The following SLC7A2 variants were observed in gnomAD, a reference collection of about 807,000 sequenced individuals.
SLC7A2 encodes the protein cationic amino acid transporter 2.
A neutral mutation model predicts 58.9 loss-of-function variants in SLC7A2; 48 were observed. That is an observed-to-expected ratio of 0.82 (90% CI 0.65 to 1.04). The LOEUF is 1.04. Ranked by LOEUF, SLC7A2 falls within the 50% of genes least tolerant of loss-of-function variation. The pLI is 0.00. For synonymous variants in SLC7A2, 363 were observed against 314.5 expected (o/e 1.15, Z -1.63); for missense variants, 1,029 against 818.8 (o/e 1.26, Z -3.13).
chr8:17,544,427 T>C, intron 3 of SLC7A2, 24 bp from the exon 4 acceptor site: 1 of 1,606,062 alleles, frequency 6.2e-7, no homozygotes, highest in East Asian at 2.2e-5. Flanking sequence ...AGTGACTTCG[T>C]ATTCTCTGTT....
In SLC7A2 at chr8:17,543,374, G is replaced by A. The variant is rs747503308; in HGVS notation, c.35G>A (p.Arg12Gln). The part of the protein sequence containing the change: ...IPCRAALTFA[R>Q]CLIRRKIVTL... ...TGCAGAGCCGCGCTGACCTTTGCCCGATGTCTGATCCGGAGAAAAATCGTG... is the reference window on the plus strand; with the variant it reads ...TGCAGAGCCGCGCTGACCTTTGCCCAATGTCTGATCCGGAGAAAAATCGTG... Residue 12 changes from arginine (R) to glutamine (Q), a missense_variant, in exon 3 of 13, where the codon CGA becomes CAA. By Grantham distance (43) the Arg-to-Gln change is conservative (BLOSUM62 1). Transcript: ENST00000494857. 8.1e-6 allele frequency: 13 copies of A among 1,613,956 alleles called. No homozygotes were observed. Among genetic ancestry groups the A allele is most frequent in the South Asian group, 4.4e-5 (4 of 91,074 alleles).
chr8:17,521,528 A>G (rs777186072), intron 2 of SLC7A2, among the ~76,000 whole-genome samples: 63 of 152,308 alleles, frequency 4.1e-4, no homozygotes, highest in Non-Finnish European at 6.2e-4. Flanking sequence ...CCTGTCTGCC[A>G]TCCATCAAGT....
rs550010725 is a variant in SLC7A2, at chr8:17,569,760, A to G, written c.*4614A>G. 2 of 152,260 alleles carry G rather than the reference A, an allele frequency of 1.3e-5. No individual in the cohort carries two copies. The highest frequency in any genetic ancestry group is 6.5e-5 in the Admixed American group (1 of 15,298). 9.4% of individuals were successfully genotyped at this position (152,260 alleles called of 1,614,324 possible). On this transcript the variant is annotated 3_prime_UTR_variant, in exon 13 of 13. Transcript: ENST00000494857. Reference sequence around the variant, plus strand: ...GGTAACACTGTTTGCTGGGAGCATTATACTTAACTTTGATTCACCATGGTT... The same window carrying G: ...GGTAACACTGTTTGCTGGGAGCATTGTACTTAACTTTGATTCACCATGGTT...
At chr8:17,545,403 C>CTTTTTTTTTTT (rs386412194) in intron 4 of SLC7A2, among the ~76,000 whole-genome samples, 2 of 64,300 alleles carry the variant, frequency 3.1e-5, no homozygotes, top group Non-Finnish European at 2.8e-5. Context: ...TGAACATTTT[C>CTTTTTTTTTTT]TTTTTTTTTT....
intron 2 of SLC7A2, among the ~76,000 whole-genome samples, chr8:17,524,343 T>C (rs1801133927): frequency 6.6e-6 from 1 of 151,978 alleles, no homozygotes; most frequent in South Asian, 2.1e-4. Context: ...TGCAAAAATG[T>C]GGAATCAGCT....
At chr8:17,498,842 A>T (rs942411597) in intron 1 of SLC7A2, 1 of 152,188 alleles carries the variant, frequency 6.6e-6, no homozygotes, top group African/African-American at 2.4e-5. Flanking sequence ...CTCTCCTGTC[A>T]CTGGGCTTAG....
At position 17,568,505 on chromosome 8, in the gene SLC7A2, T is replaced by A. The variant is rs756714089; in HGVS notation, c.*3359T>A. On this transcript the variant is annotated 3_prime_UTR_variant, in exon 13 of 13. Coordinates refer to ENST00000494857, the MANE Select transcript of SLC7A2 (RefSeq NM_001370338.1). ...AGAACTTTACCATCACCAGCCGTAG[T>A]TGATAGAAAATATTAGTTTCAGAAT... The A allele has an allele frequency of 2.0e-5, 3 of 152,152 alleles. No homozygotes were observed. The highest frequency in any genetic ancestry group is 7.2e-5 in the African/African-American group (3 of 41,450). 9.4% of individuals were successfully genotyped at this position (152,152 alleles called of 1,614,324 possible).
At chr8:17,556,044 T>G (rs1214034477) in intron 8 of SLC7A2, among the ~76,000 whole-genome samples, 3 of 152,184 alleles carry the variant, frequency 2.0e-5, no homozygotes, top group Non-Finnish European at 2.9e-5. Flanking sequence ...AGGGTCAGAA[T>G]GTATTTGTTT....
chr8:17,510,675 G>A (rs1446253407), intron 2 of SLC7A2: 1 of 152,162 alleles, frequency 6.6e-6, no homozygotes. Flanking sequence ...CTTTTTGATG[G>A]AAGACAGTGT....
chr8:17,520,352 A>G (rs571552435), intron 2 of SLC7A2, among the ~76,000 whole-genome samples: 31 of 152,236 alleles, frequency 2.0e-4, no homozygotes, highest in African/African-American at 6.3e-4. Context: ...TTTATAAAAA[A>G]TATCATGGCT....
intron 2 of SLC7A2, among the ~76,000 whole-genome samples, chr8:17,542,662 A>G (rs1465209388): frequency 6.6e-6 from 1 of 151,698 alleles, no homozygotes; most frequent in African/African-American, 2.4e-5. Context: ...AAAAAAAAAG[A>G]AAAAGAACCT....
intron 6 of SLC7A2, among the ~76,000 whole-genome samples, chr8:17,551,223 A>G (rs990396087): frequency 6.6e-6 from 1 of 152,158 alleles, no homozygotes; most frequent in Non-Finnish European, 1.5e-5. Context: ...ACTGACTGGC[A>G]TGACTTCTCC....
chr8:17,526,925 A>C (rs2150702416), intron 2 of SLC7A2, among the ~76,000 whole-genome samples: 1 of 152,310 alleles, frequency 6.6e-6, no homozygotes, highest in African/African-American at 2.4e-5. Context: ...CCTGGGGATA[A>C]GTTCGAGAGA....
Position 17,523,633 on chromosome 8 carries a change from A to G in SLC7A2, c.-22-19685A>G, listed in dbSNP as rs552452310. 2.0e-5 allele frequency among the ~76,000 whole-genome samples: 3 copies of G among 152,344 alleles called. No individual in the cohort carries two copies. In the East Asian group the frequency reaches 5.8e-4, roughly 29 times the overall value. On this transcript the variant is annotated intron_variant, in intron 2 of 12. Coordinates refer to ENST00000494857, the MANE Select transcript of SLC7A2 (RefSeq NM_001370338.1). ...TAGCTCAAGATGGATCAAAGACATA[A>G]ATCTAAGACCTGAAATCATAAAAGT...
chr8:17,496,008 A>G (rs150890318), upstream of SLC7A2, among the ~76,000 whole-genome samples: 1 of 152,364 alleles, frequency 6.6e-6, no homozygotes, highest in East Asian at 1.9e-4. Flanking sequence ...ATCACATTAA[A>G]ATTGTATATG....
rs200130071 is a variant in SLC7A2 at position 17,562,180 on chromosome 8, A to ATTTTTTT, written c.1671+99_1671+105dup. On this transcript the variant is annotated intron_variant, in intron 11 of 12. Transcript: ENST00000494857. ...TCTCTGTATAATTAGTTTGGTAAGT[A>ATTTTTTT]TTTTTTTTTTTTTTTTTTTTTTTTT... The ATTTTTTT allele has an allele frequency of 3.6e-4, 216 of 594,186 alleles. 7 individuals carry two copies. Among genetic ancestry groups the ATTTTTTT allele is most frequent in the African/African-American group, 1.2e-3 (33 of 27,092 alleles). The allele number at this position is 594,186 out of a possible 1,614,324, so 36.8% of individuals were successfully genotyped here.
chr8:17,544,574 T>C lies in SLC7A2; in HGVS notation c.500T>C (p.Phe167Ser). Residue 167 changes from phenylalanine (F) to serine (S), a missense_variant, in exon 4 of 13, where the codon TTT becomes TCT. Coordinates refer to ENST00000494857, the MANE Select transcript of SLC7A2 (RefSeq NM_001370338.1). Reference sequence around the variant, plus strand: ...ACTGGTCTTGCAGAATATCCCGATTTTTTTGCTGTGTGCCTTATATTACTT... The same window carrying C: ...ACTGGTCTTGCAGAATATCCCGATTCTTTTGCTGTGTGCCTTATATTACTT... ...NYTGLAEYPD[F>S]FAVCLILLLA... is the part of the protein sequence containing the mutation. 1 of 1,614,058 alleles carries C rather than the reference T, an allele frequency of 6.2e-7. No homozygotes were observed. The highest frequency in any genetic ancestry group is 8.5e-7 in the Non-Finnish European group (1 of 1,179,960).
rs544778290 is a variant in SLC7A2, at chr8:17,569,678, T to C, written c.*4532T>C. 1 of 152,320 alleles carries C rather than the reference T, an allele frequency of 6.6e-6. No individual in the cohort carries two copies. Among genetic ancestry groups the C allele is most frequent in the African/African-American group, 2.4e-5 (1 of 41,562 alleles). 9.4% of individuals were successfully genotyped at this position (152,320 alleles called of 1,614,324 possible). A position where few individuals can be genotyped will look rare whatever the true frequency, so the allele number is the denominator to read the frequency against. ...TTTGTAATATTCATTATTGTTTGTATATACACGGTTTAGTCTTACTGATTT... is the reference window on the plus strand; with the variant it reads ...TTTGTAATATTCATTATTGTTTGTACATACACGGTTTAGTCTTACTGATTT... On this transcript the variant is annotated 3_prime_UTR_variant, in exon 13 of 13. Coordinates refer to ENST00000494857, the MANE Select transcript of SLC7A2 (RefSeq NM_001370338.1).
chr8:17,530,496 G>A (rs540539510), intron 2 of SLC7A2, among the ~76,000 whole-genome samples: 39 of 152,280 alleles, frequency 2.6e-4, no homozygotes, highest in African/African-American at 9.1e-4. Context: ...AGGTCACAGA[G>A]GGATGGTTTG....
Sources: gnomAD v4.1 joint callset for allele counts (sites outside exome capture counted in the v4.1 genomes callset) on GRCh38, gnomAD v4.1.1 for gene constraint, MANE v1.5 for transcripts, NCBI Gene and HGNC (gene_info 2026-07-23, HGNC 2026-07-21) for gene names.